Variants in CACNB2 observed in about 807,000 individuals in gnomAD.
CACNB2 encodes voltage-dependent L-type calcium channel subunit beta-2.
In CACNB2, 42 loss-of-function variants were observed where a neutral mutation model predicts 73.3. That is an observed-to-expected ratio of 0.57 (90% CI 0.45 to 0.74). The LOEUF (loss-of-function observed/expected upper bound fraction) is 0.74. CACNB2 is among the 30% of genes least tolerant of loss of function. The pLI, the probability that CACNB2 is intolerant of heterozygous loss-of-function variation, is 0.00. For synonymous variants in CACNB2, 348 were observed against 310.3 expected, an observed-to-expected ratio of 1.12 and a Z score of -1.28; for missense variants, 940 against 853.0, an observed-to-expected ratio of 1.10 and a Z score of -1.27.
At chr10:18,406,230 G>C (rs1376738806) in intron 3 of CACNB2, among the ~76,000 whole-genome samples, 1 of 152,186 alleles carries the variant, frequency 6.6e-6, no homozygotes, top group Non-Finnish European at 1.5e-5. Context: ...GTGGGGAAGG[G>C]AGGGATAGAG....
chr10:18,183,760 T>A (rs909953121), intron 2 of CACNB2, among the ~76,000 whole-genome samples: 3 of 152,162 alleles, frequency 2.0e-5, no homozygotes, highest in African/African-American at 7.2e-5. Flanking sequence ...GCCACATATA[T>A]GGAAGTGCAG....
intron 1 of CACNB2, among the ~76,000 whole-genome samples, chr10:18,143,308 T>C (rs558728615): frequency 2.6e-5 from 4 of 152,168 alleles, no homozygotes; most frequent in Non-Finnish European, 4.4e-5. Context: ...AGCAGACAGA[T>C]GTAACAGTTT....
intron 2 of CACNB2, among the ~76,000 whole-genome samples, chr10:18,372,397 G>T (rs971679218): frequency 6.6e-6 from 1 of 152,020 alleles, no homozygotes; most frequent in Non-Finnish European, 1.5e-5. Context: ...ATAAGGAAGG[G>T]GTCCAGTTTC....
chr10:18,324,937 A>G (rs1003213332), intron 2 of CACNB2, among the ~76,000 whole-genome samples: 16 of 151,936 alleles, frequency 1.1e-4, no homozygotes, highest in Admixed American at 3.9e-4. Context: ...CTTATTCCTC[A>G]CTCTTACGCC....
intron 2 of CACNB2, among the ~76,000 whole-genome samples, chr10:18,166,982 C>T (rs536735437): frequency 1.1e-4 from 17 of 152,318 alleles, no homozygotes; most frequent in African/African-American, 3.6e-4. Flanking sequence ...CAAGTCTTCC[C>T]GTTTCCTCTC....
chr10:18,530,117 C>A (rs1410397792), intron 10 of CACNB2, among the ~76,000 whole-genome samples: 3 of 152,086 alleles, frequency 2.0e-5, no homozygotes, highest in African/African-American at 7.2e-5. Context: ...TCAATTACCC[C>A]CCACCAGGTC....
intron 2 of CACNB2, among the ~76,000 whole-genome samples, chr10:18,204,767 C>G (rs1005329583): frequency 6.6e-6 from 1 of 152,156 alleles, no homozygotes; most frequent in Admixed American, 6.5e-5. Flanking sequence ...GACAAACAGC[C>G]TAGAATACAG....
intron 3 of CACNB2, among the ~76,000 whole-genome samples, chr10:18,420,328 C>CAG (rs2045252544): frequency 7.8e-6 from 1 of 128,736 alleles, no homozygotes; most frequent in African/African-American, 2.7e-5. Flanking sequence ...CACACACACA[C>CAG]ACAGAGAGAG....
chr10:18,500,904 G>A lies in CACNB2; in HGVS notation c.549G>A (p.Arg183=). The A allele has an allele frequency of 6.2e-7, 1 of 1,614,060 alleles. No homozygotes were observed. The highest frequency in any genetic ancestry group is 8.5e-7 in the Non-Finnish European group (1 of 1,179,970). Residue 183 remains arginine (R), a synonymous_variant, in exon 5 of 14, where the codon AGG becomes AGA. Transcript: ENST00000324631. ...IPSPVKLENM[R]LQHEQRAKQG... ...GCCCAGTCAAACTAGAAAACATGAG[G>A]CTGCAGCATGAACAGAGAGCCAAGC...
At chr10:18,233,200 A>T (rs1271195483) in intron 2 of CACNB2, among the ~76,000 whole-genome samples, 2 of 152,226 alleles carry the variant, frequency 1.3e-5, no homozygotes, top group African/African-American at 2.4e-5. Context: ...TCCAGGTATC[A>T]TATTAGCATC....
At chr10:18,389,693 C>A (rs1355670303) in intron 2 of CACNB2, among the ~76,000 whole-genome samples, 1 of 152,162 alleles carries the variant, frequency 6.6e-6, no homozygotes, top group East Asian at 1.9e-4. Context: ...TGTCTAGTTA[C>A]ACATAGAAAG....
chr10:18,357,965 C>T (rs958155199), intron 2 of CACNB2, among the ~76,000 whole-genome samples: 3 of 152,180 alleles, frequency 2.0e-5, no homozygotes, highest in Non-Finnish European at 2.9e-5. Flanking sequence ...GCCTCATCTA[C>T]TATACAAGCC....
chr10:18,265,590 A>G (rs954227213), intron 2 of CACNB2, among the ~76,000 whole-genome samples: 3 of 152,208 alleles, frequency 2.0e-5, no homozygotes, highest in Non-Finnish European at 2.9e-5. Context: ...AATGTTACTG[A>G]CAGAGATATA....
intron 9 of CACNB2, among the ~76,000 whole-genome samples, chr10:18,525,981 T>C (rs1589691747): frequency 6.6e-6 from 1 of 152,248 alleles, no homozygotes; most frequent in South Asian, 2.1e-4. Flanking sequence ...ATTGTCATAA[T>C]TGATTTTTCT....
At chr10:18,488,917 C>T (rs1336306021) in intron 3 of CACNB2, among the ~76,000 whole-genome samples, 1 of 152,048 alleles carries the variant, frequency 6.6e-6, no homozygotes, top group Non-Finnish European at 1.5e-5. Flanking sequence ...GTGGCTCATG[C>T]CTGTAATCCC....
At chr10:18,242,505 T>G (rs1272782454) in intron 2 of CACNB2, among the ~76,000 whole-genome samples, 1 of 152,156 alleles carries the variant, frequency 6.6e-6, no homozygotes, top group Non-Finnish European at 1.5e-5. Context: ...AATAGTAAAC[T>G]GCATTACAAG....
intron 2 of CACNB2, among the ~76,000 whole-genome samples, chr10:18,195,422 G>A (rs1284870168): frequency 6.6e-6 from 1 of 152,134 alleles, no homozygotes; most frequent in South Asian, 2.1e-4. Context: ...CTCTCAGGGG[G>A]TATCAAGTGG....
intron 2 of CACNB2, chr10:18,151,328 G>A (rs2031541052): frequency 4.9e-6 from 1 of 203,828 alleles, no homozygotes; most frequent in African/African-American, 2.4e-5. Context: ...ATCCCTACCT[G>A]TGAGATACTG....
intron 3 of CACNB2, among the ~76,000 whole-genome samples, chr10:18,457,490 A>G (rs549293985): frequency 6.6e-6 from 1 of 152,324 alleles, no homozygotes; most frequent in South Asian, 2.1e-4. Flanking sequence ...CCACATAGCA[A>G]TGCCTCCTTT....
Sources: gnomAD v4.1 joint callset for allele counts (sites outside exome capture counted in the v4.1 genomes callset) on GRCh38, gnomAD v4.1.1 for gene constraint, MANE v1.5 for transcripts, NCBI Gene and HGNC (gene_info 2026-07-23, HGNC 2026-07-21) for gene names.